PCCA: variants seen among roughly 807,000 people sequenced by gnomAD.
PCCA encodes the protein propionyl-CoA carboxylase subunit alpha, also known as propionyl-CoA carboxylase alpha chain, mitochondrial.
PCCA carries 74 observed loss-of-function variants against 101.3 expected under a neutral mutation model. That is an observed-to-expected ratio of 0.73 (90% confidence interval 0.61 to 0.89). The LOEUF (loss-of-function observed/expected upper bound fraction) is 0.89, where lower values mean the gene tolerates loss of function less well. PCCA is among the 40% of genes least tolerant of loss of function. The pLI is 0.00. For missense variants in PCCA, 891 were observed against 907.0 expected, an observed-to-expected ratio of 0.98 and a Z score of 0.23; for synonymous variants, 294 against 313.6, an observed-to-expected ratio of 0.94 and a Z score of 0.66.
chr13:100,363,445 C>T (rs1174749229), intron 18 of PCCA, among the ~76,000 whole-genome samples: 3 of 152,130 alleles, frequency 2.0e-5, no homozygotes, highest in East Asian at 3.9e-4. Context: ...GTTCTGTCTA[C>T]CCCCACTGAA....
chr13:100,179,395 A>G (rs1299629066), intron 6 of PCCA, among the ~76,000 whole-genome samples: 1 of 152,160 alleles, frequency 6.6e-6, no homozygotes, highest in African/African-American at 2.4e-5. Flanking sequence ...ACTAAAATGT[A>G]CAGCTAGTAT....
chr13:100,501,944 A>T (rs1048967469), intron 21 of PCCA, among the ~76,000 whole-genome samples: 5 of 152,068 alleles, frequency 3.3e-5, no homozygotes, highest in Non-Finnish European at 7.4e-5. Context: ...TGGGGGGCCT[A>T]GCGGTCTGTG....
intron 12 of PCCA, among the ~76,000 whole-genome samples, chr13:100,288,411 C>G: frequency 6.6e-6 from 1 of 152,158 alleles, no homozygotes; most frequent in East Asian, 1.9e-4. Context: ...ATCCTGCCAC[C>G]CCAGCCGCCC....
At chr13:100,427,125 G>A (rs995870990) in intron 20 of PCCA, among the ~76,000 whole-genome samples, 1 of 152,236 alleles carries the variant, frequency 6.6e-6, no homozygotes. Context: ...GCCAGGGCAG[G>A]AGAATCACTT....
intron 19 of PCCA, among the ~76,000 whole-genome samples, chr13:100,376,602 C>A (rs1268731380): frequency 6.6e-6 from 1 of 152,150 alleles, no homozygotes; most frequent in African/African-American, 2.4e-5. Flanking sequence ...ACCAAGCTGC[C>A]ATGGCTTTGT....
chr13:100,264,133 A>G lies in PCCA; in HGVS notation c.819+1302A>G, dbSNP rs201152565. Among the ~76,000 whole-genome samples the G allele has an allele frequency of 4.3e-4, 23 of 53,368 alleles. 5 individuals are homozygous for G. Among genetic ancestry groups the G allele is most frequent in the South Asian group, 1.9e-3 (4 of 2,094 alleles). 35.0% of individuals were successfully genotyped at this position (53,368 alleles called of 152,430 possible). Reference sequence around the variant, plus strand: ...TACGGTATCTGTATATCGTATATATATGGTATCTGTATATCGTATATATAT... The same window carrying G: ...TACGGTATCTGTATATCGTATATATGTGGTATCTGTATATCGTATATATAT... On this transcript the variant is annotated intron_variant, in intron 10 of 23. Coordinates refer to ENST00000376285, the MANE Select transcript of PCCA (RefSeq NM_000282.4).
chr13:100,231,085 A>AT, intron 7 of PCCA, among the ~76,000 whole-genome samples: 1 of 152,266 alleles, frequency 6.6e-6, no homozygotes, highest in South Asian at 2.1e-4. Flanking sequence ...TCAGGAATCT[A>AT]TTTTTGGATT....
rs536409377 is a variant in PCCA, at chr13:100,096,892, TAAGAA to T, written c.106-5985_106-5981del. On this transcript the variant is annotated intron_variant, in intron 1 of 23. Coordinates refer to ENST00000376285, the MANE Select transcript of PCCA (RefSeq NM_000282.4). ...GAAGCAGAGGTTGGTTCATGGGGTT[TAAGAA>T]AAGAAGTGAGGCCGGGCGCAGTGGT... 4.8e-3 allele frequency among the ~76,000 whole-genome samples: 724 copies of T among 152,216 alleles called. 4 individuals carry two copies. The highest frequency in any genetic ancestry group is 8.0e-3 in the Non-Finnish European group (543 of 68,004).
In PCCA at chr13:100,336,994, A is replaced by AT. The variant is rs200828125; in HGVS notation, c.1541-3163_1541-3162insT. On this transcript the variant is annotated intron_variant, in intron 17 of 23. Coordinates refer to ENST00000376285, the MANE Select transcript of PCCA (RefSeq NM_000282.4). ...CTGTATTCCACATGCACCCAGCAGCACCTCTCAGTCTTCTCTGTCGGGGTT... is the reference window on the plus strand; with the variant it reads ...CTGTATTCCACATGCACCCAGCAGCATCCTCTCAGTCTTCTCTGTCGGGGTT... Among the ~76,000 whole-genome samples, 1,372 of 152,212 alleles carry AT rather than the reference A, an allele frequency of 9.0e-3. 20 individuals carry two copies. Among genetic ancestry groups the AT allele is most frequent in the South Asian group, 0.029 (138 of 4,826 alleles).
chr13:100,226,530 T>C (rs1025134583), intron 7 of PCCA, among the ~76,000 whole-genome samples: 1 of 152,204 alleles, frequency 6.6e-6, no homozygotes, highest in Non-Finnish European at 1.5e-5. Flanking sequence ...ATGATTCGAA[T>C]GTGCCTGTCT....
intron 4 of PCCA, among the ~76,000 whole-genome samples, chr13:100,146,459 C>G (rs2052578047): frequency 6.6e-6 from 1 of 151,478 alleles, no homozygotes; most frequent in Admixed American, 6.6e-5. Flanking sequence ...CCTGTAATCC[C>G]AGCTACTCAG....
At chr13:100,102,745 A>G in intron 1 of PCCA, 138 bp from the exon 2 acceptor site, 1 of 654,928 alleles carries the variant, frequency 1.5e-6, no homozygotes. Context: ...TTTTGTAATT[A>G]TATTTATGGT....
intron 14 of PCCA, 22 bp from the exon 15 acceptor site, chr13:100,307,169 CT>C (rs751877951): frequency 3.8e-6 from 6 of 1,570,546 alleles, no homozygotes; most frequent in Non-Finnish European, 4.4e-6. Context: ...AATTACTTTT[CT>C]TTTTTTCTTT....
intron 18 of PCCA, among the ~76,000 whole-genome samples, chr13:100,364,530 A>G (rs902916614): frequency 1.3e-5 from 2 of 152,254 alleles, no homozygotes; most frequent in East Asian, 3.8e-4. Flanking sequence ...GCATATTTAT[A>G]TCTGCCAGTT....
intron 21 of PCCA, among the ~76,000 whole-genome samples, chr13:100,505,589 G>A (rs776800058): frequency 6.6e-6 from 1 of 152,196 alleles, no homozygotes; most frequent in Admixed American, 6.5e-5. Context: ...TGTCAGTCTG[G>A]TGCAGTGACT....
chr13:100,452,510 C>T (rs566917890), intron 21 of PCCA, among the ~76,000 whole-genome samples: 8 of 152,360 alleles, frequency 5.3e-5, no homozygotes, highest in African/African-American at 1.7e-4. Flanking sequence ...TCTGCCCCTA[C>T]ATGTCTGCTC....
intron 6 of PCCA, among the ~76,000 whole-genome samples, chr13:100,192,262 A>G (rs2057788150): frequency 6.6e-6 from 1 of 152,198 alleles, no homozygotes; most frequent in Non-Finnish European, 1.5e-5. Flanking sequence ...CCTCTACCAC[A>G]GTACTCATGC....
At chr13:100,343,077 T>C (rs930241265) in intron 18 of PCCA, among the ~76,000 whole-genome samples, 3 of 152,102 alleles carry the variant, frequency 2.0e-5, no homozygotes, top group Non-Finnish European at 2.9e-5. Flanking sequence ...GTGCCTGTAA[T>C]CCCAGCTACT....
intron 22 of PCCA, among the ~76,000 whole-genome samples, chr13:100,526,689 A>G (rs1566514892): frequency 6.6e-6 from 1 of 152,244 alleles, no homozygotes; most frequent in Non-Finnish European, 1.5e-5. Context: ...GCCCGTTTCA[A>G]AGACTGGGAG....
Sources: allele counts gnomAD v4.1 joint callset (sites outside exome capture counted in the v4.1 genomes callset), GRCh38; gene constraint gnomAD v4.1.1; transcripts MANE v1.5; gene names NCBI Gene and HGNC (gene_info 2026-07-23, HGNC 2026-07-21).